The following PACC1 variants were observed in gnomAD, a reference collection of about 807,000 sequenced individuals.
The protein encoded by PACC1 is proton activated chloride channel 1.
PACC1 carries 34 observed loss-of-function variants against 39.7 expected under a neutral mutation model. The observed-to-expected ratio is 0.86, with a 90% CI of 0.65 to 1.14. The LOEUF is 1.14. PACC1 is among the 50% of genes most tolerant of loss of function. The probability of loss-of-function intolerance (pLI) is 0.00; values close to 1 mark genes in which losing one functional copy is unlikely to be tolerated. For synonymous variants in PACC1, 127 were observed against 160.6 expected (o/e 0.79, Z 1.58); for missense variants, 379 against 436.4 (o/e 0.87, Z 1.17).
In PACC1 at chr1:212,381,695, GCACACACACA is replaced by G. The variant is rs58078220; in HGVS notation, c.496-1668_496-1659del. Among the ~76,000 whole-genome samples, 269 of 122,834 alleles carry G rather than the reference GCACACACACA, an allele frequency of 2.2e-3. 3 individuals carry two copies. Among genetic ancestry groups the G allele is most frequent in the African/African-American group, 5.6e-3 (190 of 33,872 alleles). 80.6% of individuals were successfully genotyped at this position (122,834 alleles called of 152,430 possible). ...GTGCACAGACACACACACACACACT[GCACACACACA>G]CACACACACACACACACACACACAG... On this transcript the variant is annotated intron_variant, in intron 4 of 7. Transcript: ENST00000261455.
At chr1:212,380,334 G>A (rs1571642374) in intron 4 of PACC1, among the ~76,000 whole-genome samples, 1 of 152,292 alleles carries the variant, frequency 6.6e-6, no homozygotes, top group East Asian at 1.9e-4. Flanking sequence ...TGTTATGTGT[G>A]CCAATCTTTT....
chr1:212,385,791 C>T (rs193086931), intron 3 of PACC1, among the ~76,000 whole-genome samples: 1 of 152,268 alleles, frequency 6.6e-6, no homozygotes, highest in East Asian at 1.9e-4. Context: ...CACTGGGAGG[C>T]TCTAAACTGT....
intron 2 of PACC1, among the ~76,000 whole-genome samples, chr1:212,391,339 G>C (rs891490474): frequency 6.6e-6 from 1 of 152,200 alleles, no homozygotes; most frequent in Non-Finnish European, 1.5e-5. Context: ...AGGGTCTGGA[G>C]TGCACCTCCA....
chr1:212,384,030 G>A (rs1349014460), intron 4 of PACC1, among the ~76,000 whole-genome samples: 1 of 152,166 alleles, frequency 6.6e-6, no homozygotes, highest in Non-Finnish European at 1.5e-5. Context: ...ATTCCAAGCT[G>A]GGGGTTTGGA....
chr1:212,395,585 A>G (rs1661483897), intron 2 of PACC1, among the ~76,000 whole-genome samples: 1 of 152,236 alleles, frequency 6.6e-6, no homozygotes, highest in Non-Finnish European at 1.5e-5. Context: ...AAATTGACAA[A>G]TGGGGCCTAA....
chr1:212,380,031 C>T lies in PACC1; in HGVS notation c.502G>A (p.Ala168Thr). Reference protein sequence around the residue: ...DPFSNQTVKSALIVQGPREVK... With the variant: ...DPFSNQTVKSTLIVQGPREVK... Reference sequence around the variant, plus strand: ...TCCCGGGGCCCCTGGACAATCAGGGCAGATTTCTGCAGAGAGAAAAAGGAC... The same window carrying T: ...TCCCGGGGCCCCTGGACAATCAGGGTAGATTTCTGCAGAGAGAAAAAGGAC... The change falls in exon 5 of 8, where the codon GCC (alanine) becomes ACC (threonine). Residue 168 changes from alanine (A) to threonine (T), a missense_variant. Physicochemically the swap from Ala to Thr is moderately conservative, Grantham distance 58. Transcript: ENST00000261455. 1 of 1,613,918 alleles carries T rather than the reference C, an allele frequency of 6.2e-7. No homozygotes were observed. Among genetic ancestry groups the T allele is most frequent in the South Asian group, 1.1e-5 (1 of 91,072 alleles).
intron 2 of PACC1, among the ~76,000 whole-genome samples, chr1:212,388,465 C>G (rs952694021): frequency 3.9e-5 from 6 of 152,174 alleles, no homozygotes; most frequent in Non-Finnish European, 5.9e-5. Flanking sequence ...GGTTGAAGCC[C>G]TAACCCTCAA....
In PACC1 at chr1:212,377,578, AC is replaced by A; in HGVS notation, c.766del (p.Val256TrpfsTer43). ...GCCACCTACCTCCTGCCGGAACTCC[AC>A]TGCTTCCCGCCCATCCTCCTCCTTG... The part of the protein sequence containing the change: ...KTKEEDGREA[V>X]EFRQETSVVN... On this transcript the variant is annotated frameshift_variant, in exon 6 of 8. Coordinates refer to ENST00000261455, the MANE Select transcript of PACC1 (RefSeq NM_018252.3). LOFTEE classifies it high-confidence loss of function. 6.2e-7 allele frequency: 1 copy of A among 1,614,120 alleles called. No individual in the cohort carries two copies. Among genetic ancestry groups the A allele is most frequent in the Middle Eastern group, 1.7e-4 (1 of 6,060 alleles).
chr1:212,414,741 C>T lies in PACC1; in HGVS notation c.17G>A (p.Arg6His). 4 of 1,613,656 alleles carry T rather than the reference C, an allele frequency of 2.5e-6. No homozygotes were observed. Among genetic ancestry groups the T allele is most frequent in the Non-Finnish European group, 2.5e-6 (3 of 1,179,640 alleles). The change falls in exon 1 of 8, where the codon CGC becomes CAC. Residue 6 changes from arginine to histidine, a missense_variant. Transcript: ENST00000261455. MIRQE[R>H]STSYQELSEE... ...TCGTACCTCCTGGTAGGATGTGGAG[C>T]GCTCCTGCCGGATCATGGCACTGAC... is the stretch of plus-strand genomic sequence containing the variant.
chr1:212,375,054 G>T (rs1660596484), intron 7 of PACC1, 139 bp downstream of exon 7: 5 of 574,788 alleles, frequency 8.7e-6, no homozygotes, highest in Middle Eastern at 4.8e-4. Context: ...GATGAGGACA[G>T]GTAGGTAGAC....
intron 2 of PACC1, among the ~76,000 whole-genome samples, chr1:212,392,304 A>G (rs953097294): frequency 6.6e-6 from 1 of 152,262 alleles, no homozygotes; most frequent in Non-Finnish European, 1.5e-5. Flanking sequence ...CTTAAAGAAA[A>G]GAATTTTCAA....
At chr1:212,410,287 C>T in intron 2 of PACC1, 138 bp downstream of exon 2, 3 of 776,192 alleles carry the variant, frequency 3.9e-6, no homozygotes, top group Admixed American at 1.8e-5. Context: ...ATATGTATGG[C>T]TTTAAAACTA....
At chr1:212,366,464 C>T (rs1001039997) in intron 7 of PACC1, among the ~76,000 whole-genome samples, 2 of 151,900 alleles carry the variant, frequency 1.3e-5, no homozygotes, top group South Asian at 4.2e-4. Context: ...CCACGGCCGG[C>T]TAATTTTTTG....
chr1:212,370,212 A>G (rs1660394588), intron 7 of PACC1, among the ~76,000 whole-genome samples: 1 of 152,238 alleles, frequency 6.6e-6, no homozygotes, highest in South Asian at 2.1e-4. Flanking sequence ...CACGCCTGTA[A>G]TCCCAGCACT....
intron 1 of PACC1, 39 bp from the exon 2 acceptor site, chr1:212,410,560 A>G (rs769578004): frequency 1.1e-5 from 17 of 1,581,312 alleles, no homozygotes; most frequent in Non-Finnish European, 1.4e-5. Flanking sequence ...CAAGTCAGCT[A>G]TGTCAGCCTT....
chr1:212,371,333 G>A (rs1236726000), intron 7 of PACC1, among the ~76,000 whole-genome samples: 2 of 149,080 alleles, frequency 1.3e-5, no homozygotes, highest in African/African-American at 4.9e-5. Context: ...AAAATATAAT[G>A]AAGACCCAAA....
At chr1:212,399,722 A>T (rs1162456790) in intron 2 of PACC1, among the ~76,000 whole-genome samples, 2 of 151,884 alleles carry the variant, frequency 1.3e-5, no homozygotes, top group Non-Finnish European at 2.9e-5. Flanking sequence ...TTTGTTATTT[A>T]TTGTAGAGAT....
At chr1:212,411,998 G>A (rs763637998) in intron 1 of PACC1, among the ~76,000 whole-genome samples, 43 of 152,004 alleles carry the variant, frequency 2.8e-4, no homozygotes, top group Non-Finnish European at 4.7e-4. Flanking sequence ...AAAATTAGCC[G>A]GGCATAATAG....
chr1:212,400,231 T>C (rs1324206565), intron 2 of PACC1, among the ~76,000 whole-genome samples: 2 of 152,192 alleles, frequency 1.3e-5, no homozygotes, highest in Non-Finnish European at 1.5e-5. Context: ...TGTGGACAGG[T>C]GTGTCCACTC....
Sources: allele counts gnomAD v4.1 joint callset (sites outside exome capture counted in the v4.1 genomes callset), GRCh38; gene constraint gnomAD v4.1.1; transcripts MANE v1.5; gene names NCBI Gene and HGNC (gene_info 2026-07-23, HGNC 2026-07-21).